The following ZFHX3 variants were observed in gnomAD, a reference collection of about 807,000 sequenced individuals.
The protein encoded by ZFHX3 is zinc finger homeobox protein 3.
A neutral mutation model predicts 279.1 loss-of-function variants in ZFHX3; 42 were observed. The observed-to-expected ratio is 0.15, with a 90% CI of 0.12 to 0.19. The LOEUF (loss-of-function observed/expected upper bound fraction) is 0.19. ZFHX3 is among the 10% of genes least tolerant of loss of function. The pLI, the probability that ZFHX3 is intolerant of heterozygous loss-of-function variation, is 1.00. For missense variants in ZFHX3, 4,981 were observed against 4,754.0 expected (o/e 1.05, Z -1.40); for synonymous variants, 2,293 against 1,957.8 (o/e 1.17, Z -4.52).
At chr16:73,831,764 T>G (rs372465783) in intron 1 of ZFHX3, among the ~76,000 whole-genome samples, 4 of 152,056 alleles carry the variant, frequency 2.6e-5, no homozygotes, top group Admixed American at 2.0e-4. Flanking sequence ...TAAGAGGAGA[T>G]AGGATGGGCA....
intron 7 of ZFHX3, among the ~76,000 whole-genome samples, chr16:73,107,582 C>T (rs74028030): frequency 0.34 from 51,446 of 151,838 alleles, 8,934 homozygotes; most frequent in Admixed American, 0.46. Context: ...CCACATCACT[C>T]CTGTGCCTGG....
intron 1 of ZFHX3, among the ~76,000 whole-genome samples, chr16:73,790,265 C>CT (rs745914414): frequency 0.024 from 3,346 of 137,588 alleles, 48 homozygotes; most frequent in African/African-American, 0.04. Context: ...AAGGGAGTGT[C>CT]TTTTTTTTTT....
rs575645647 is a variant in ZFHX3 at position 73,471,415 on chromosome 16, CT to C, written c.-1546-15158del. On this transcript the variant is annotated intron_variant, in intron 2 of 17. Transcript: ENST00000641206. ...TTTGTGAATCTCTTTCTTTTTCTTT[CT>C]TTTTTTTTTTAGACAGAATTTCACT... Among the ~76,000 whole-genome samples, 93 of 145,488 alleles carry C rather than the reference CT, an allele frequency of 6.4e-4. 1 individual carries two copies. The highest frequency in any genetic ancestry group is 3.5e-3 in the South Asian group (16 of 4,570).
intron 4 of ZFHX3, among the ~76,000 whole-genome samples, chr16:72,883,332 C>T (rs1016069576): frequency 3.3e-5 from 5 of 152,070 alleles, no homozygotes; most frequent in African/African-American, 4.8e-5. Context: ...AAATAAAAAA[C>T]ATCTCCATGA....
rs367843770 is a variant in ZFHX3 at position 73,759,192 on chromosome 16, C to T, written c.-1607-78952G>A. On this transcript the variant is annotated intron_variant, in intron 1 of 17. Transcript: ENST00000641206. ...AAGTCTAGGGTAGGTGTAGTGGCCG[C>T]ATATTTTTATTGGCAATTAAGATCC... 8.7e-4 allele frequency among the ~76,000 whole-genome samples: 133 copies of T among 152,280 alleles called. No homozygotes were observed. The South Asian group carries it at 0.027, about 31-fold the overall frequency.
chr16:73,334,516 TC>T (rs2015869270), intron 3 of ZFHX3, among the ~76,000 whole-genome samples: 1 of 152,050 alleles, frequency 6.6e-6, no homozygotes, highest in Admixed American at 6.6e-5. Flanking sequence ...CTCTGTGCCT[TC>T]CCCTGCTGTC....
chr16:73,433,328 G>A (rs1055136253), intron 3 of ZFHX3, among the ~76,000 whole-genome samples: 2 of 152,138 alleles, frequency 1.3e-5, no homozygotes, highest in African/African-American at 4.8e-5. Context: ...ACTTGCTTGA[G>A]GGCTGCTGTG....
At chr16:73,247,193 T>C (rs1435114400) in intron 5 of ZFHX3, among the ~76,000 whole-genome samples, 1 of 151,536 alleles carries the variant, frequency 6.6e-6, no homozygotes, top group Admixed American at 6.6e-5. Flanking sequence ...GTGGAATACA[T>C]GTGTGTGGGT....
chr16:73,519,083 C>G (rs769774931), intron 2 of ZFHX3, among the ~76,000 whole-genome samples: 3 of 152,148 alleles, frequency 2.0e-5, no homozygotes, highest in Non-Finnish European at 4.4e-5. Context: ...ATCAACTTCT[C>G]GAGAATAAAG....
chr16:73,821,794 G>C (rs1358666179), intron 1 of ZFHX3, among the ~76,000 whole-genome samples: 4 of 152,184 alleles, frequency 2.6e-5, no homozygotes, highest in Admixed American at 6.5e-5. Context: ...CGGTCGTCAG[G>C]GTGCTGGGCT....
chr16:73,793,291 T>C lies in ZFHX3; in HGVS notation c.-1608+98360A>G, dbSNP rs531232260. Among the ~76,000 whole-genome samples the C allele has an allele frequency of 5.3e-5, 8 of 152,354 alleles. No homozygotes were observed. The East Asian group carries it at 5.8e-4, about 11-fold the overall frequency. On this transcript the variant is annotated intron_variant, in intron 1 of 17. Transcript: ENST00000641206. Reference sequence around the variant, plus strand: ...TGTAGGAAAAAAATTTCTCTGTACATTGACTGTTGACCAATCTTTGAGATT... The same window carrying C: ...TGTAGGAAAAAAATTTCTCTGTACACTGACTGTTGACCAATCTTTGAGATT...
chr16:73,101,815 C>G (rs1966234919), intron 7 of ZFHX3, among the ~76,000 whole-genome samples: 1 of 151,992 alleles, frequency 6.6e-6, no homozygotes, highest in South Asian at 2.1e-4. Flanking sequence ...CAAACCTCAA[C>G]CTTCCAGTCC....
chr16:73,677,355 A>G (rs1457878682), intron 2 of ZFHX3, among the ~76,000 whole-genome samples: 1 of 151,950 alleles, frequency 6.6e-6, no homozygotes, highest in Admixed American at 6.6e-5. Flanking sequence ...TAAGAATATA[A>G]CAGCAAAAGT....
At chr16:72,920,286 C>G (rs2039550637) in intron 3 of ZFHX3, among the ~76,000 whole-genome samples, 1 of 152,196 alleles carries the variant, frequency 6.6e-6, no homozygotes, top group Non-Finnish European at 1.5e-5. Flanking sequence ...CCACTTTACA[C>G]TGTGATAGCT....
chr16:73,238,650 G>T (rs1363392121), intron 5 of ZFHX3, among the ~76,000 whole-genome samples: 1 of 151,992 alleles, frequency 6.6e-6, no homozygotes. Flanking sequence ...TGATTATCTT[G>T]CTCGCCTTTG....
intron 6 of ZFHX3, among the ~76,000 whole-genome samples, chr16:73,140,921 C>A (rs751872975): frequency 1.3e-4 from 20 of 152,208 alleles, no homozygotes; most frequent in Admixed American, 5.2e-4. Flanking sequence ...CTCCCCAAGG[C>A]ATCATTTGGA....
chr16:73,619,960 G>T (rs558398374), intron 2 of ZFHX3, among the ~76,000 whole-genome samples: 1 of 152,168 alleles, frequency 6.6e-6, no homozygotes, highest in East Asian at 1.9e-4. Flanking sequence ...ACCCTAGTAG[G>T]CTTTTTCTTT....
Position 72,786,729 on chromosome 16 carries a change from G to GC in ZFHX3, c.*434dup. On this transcript the variant is annotated 3_prime_UTR_variant, in exon 10 of 10. Transcript: ENST00000268489. ...CCATTGGTATCTGAATGCTAAGATA[G>GC]CAAGAAATTTAAAACTGTAACAAGG... The GC allele has an allele frequency of 6.6e-6, 1 of 152,546 alleles. No individual in the cohort carries two copies. The highest frequency in any genetic ancestry group is 2.4e-5 in the African/African-American group (1 of 41,490). 9.4% of individuals were successfully genotyped at this position (152,546 alleles called of 1,614,324 possible). A position where few individuals can be genotyped will look rare whatever the true frequency, so the allele number is the denominator to read the frequency against.
intron 3 of ZFHX3, among the ~76,000 whole-genome samples, chr16:73,368,285 G>A (rs188445572): frequency 1.3e-5 from 2 of 152,320 alleles, no homozygotes; most frequent in Admixed American, 1.3e-4. Flanking sequence ...TCTGTAAAAT[G>A]TTACAGAAAT....
Sources: gnomAD v4.1 joint callset for allele counts (sites outside exome capture counted in the v4.1 genomes callset) on GRCh38, gnomAD v4.1.1 for gene constraint, MANE v1.5 for transcripts, NCBI Gene and HGNC (gene_info 2026-07-23, HGNC 2026-07-21) for gene names.